The following ZMYM6 variants were observed in gnomAD, a reference collection of about 807,000 sequenced individuals.
ZMYM6 encodes the protein zinc finger MYM-type protein 6.
Under a neutral mutation model 134.0 loss-of-function variants are expected in ZMYM6, and 90 were observed. The ratio of observed to expected loss-of-function variants is 0.67; its 90% confidence interval spans 0.57 to 0.80. ZMYM6 has a LOEUF of 0.80. Among genes scored for constraint, ZMYM6 ranks in the 30% least tolerant of loss-of-function variants. The probability of loss-of-function intolerance (pLI) is 0.00; values close to 1 mark genes in which losing one functional copy is unlikely to be tolerated. For synonymous variants in ZMYM6, 481 were observed against 524.1 expected, an observed-to-expected ratio of 0.92 and a Z score of 1.12; for missense variants, 1,362 against 1,533.9, an observed-to-expected ratio of 0.89 and a Z score of 1.87.
rs1434493812 is a variant in ZMYM6, at chr1:34,986,305, CTCTT to C, written c.*795_*798del. The C allele has an allele frequency of 5.3e-5, 8 of 152,230 alleles. No individual in the cohort carries two copies. The East Asian group carries it at 1.3e-3, about 26-fold the overall frequency. The allele number at this position is 152,230 out of a possible 1,614,324, so 9.4% of individuals were successfully genotyped here. On this transcript the variant is annotated 3_prime_UTR_variant, in exon 16 of 16. Transcript: ENST00000357182. ...AAAGCTGAAAATATTTACTATCTGG[CTCTT>C]TATTTAAAAAGTTTGCTAAGCCCTG... is the stretch of plus-strand genomic sequence containing the variant.
In ZMYM6 at chr1:35,005,193, C is replaced by CA; in HGVS notation, c.1892dup (p.Met632AspfsTer16). ...TAGCAGGTATTTTTGCCAATGACAT[C>CA]ACACTGGTTATAACTGGTGTTGTAT... On this transcript the variant is annotated frameshift_variant, in exon 13 of 16. Transcript: ENST00000357182. LOFTEE classifies it high-confidence loss of function. 1 of 1,614,178 alleles carries CA rather than the reference C, an allele frequency of 6.2e-7. No homozygotes were observed. Among genetic ancestry groups the CA allele is most frequent in the Non-Finnish European group, 8.5e-7 (1 of 1,180,018 alleles).
At chr1:35,029,149 TACA>T (rs1382545082) in intron 2 of ZMYM6, among the ~76,000 whole-genome samples, 2 of 152,142 alleles carry the variant, frequency 1.3e-5, no homozygotes, top group Non-Finnish European at 2.9e-5. Context: ...CCACCAAGAT[TACA>T]ACATTGCAGC....
In ZMYM6 at chr1:35,002,835, G is replaced by A. The variant is rs1335898541; in HGVS notation, c.1992+1133C>T. Among the ~76,000 whole-genome samples, 12 of 151,914 alleles carry A rather than the reference G, an allele frequency of 7.9e-5. No individual in the cohort carries two copies. In the East Asian group the frequency reaches 1.3e-3, roughly 17 times the overall value. ...TAACACTTAAATGGCATTATTCTACGATATAAAAAAAGAGTTTTAATTATA... is the reference window on the plus strand; with the variant it reads ...TAACACTTAAATGGCATTATTCTACAATATAAAAAAAGAGTTTTAATTATA... On this transcript the variant is annotated intron_variant, in intron 14 of 15. Transcript: ENST00000357182.
rs35800399 is a variant in ZMYM6, at chr1:35,015,743, AATAT to A, written c.429-585_429-582del. ...CATCTCAAAAAAAAAAAAAAAAAAA[AATAT>A]ATATATATATATATGTGGCCAGCCA... On this transcript the variant is annotated intron_variant, in intron 4 of 15. Coordinates refer to ENST00000357182, the MANE Select transcript of ZMYM6 (RefSeq NM_007167.4). 1.5e-4 allele frequency among the ~76,000 whole-genome samples: 16 copies of A among 106,450 alleles called. No individual in the cohort carries two copies. The East Asian group carries it at 1.8e-3, about 12-fold the overall frequency. The allele number at this position is 106,450 out of a possible 152,430, so 69.8% of individuals were successfully genotyped here.
chr1:35,007,061 AGTTTACCCTGTC>A lies in ZMYM6; in HGVS notation c.1691_1702del (p.Arg564_Lys567del), dbSNP rs750923745. 1.9e-6 allele frequency: 3 copies of A among 1,610,120 alleles called. No homozygotes were observed. The highest frequency in any genetic ancestry group is 1.7e-6 in the Non-Finnish European group (2 of 1,178,088). On this transcript the variant is annotated inframe_deletion, in exon 12 of 16. Coordinates refer to ENST00000357182, the MANE Select transcript of ZMYM6 (RefSeq NM_007167.4). The stretch of plus-strand genomic sequence containing the variant: ...GCCTCGCCACTTTATGGACTCGCTT[AGTTTACCCTGTC>A]GTTTACAACCATCACACTTGGCCAT...
In ZMYM6 at chr1:35,011,278, A is replaced by G. The variant is rs961018175; in HGVS notation, c.1063-242T>C. On this transcript the variant is annotated intron_variant, in intron 8 of 15. Transcript: ENST00000357182. ...AGACCTCCAGTATATGCCTCTAATA[A>G]ATTAGAGCAGGCCTCTCCTTCCCCC... Among the ~76,000 whole-genome samples the G allele has an allele frequency of 3.9e-5, 6 of 152,146 alleles. No individual in the cohort carries two copies. The East Asian group carries it at 7.7e-4, about 20-fold the overall frequency.
At chr1:35,015,760 A>G (rs183149091) in intron 4 of ZMYM6, among the ~76,000 whole-genome samples, 7 of 139,372 alleles carry the variant, frequency 5.0e-5, no homozygotes, top group African/African-American at 1.8e-4. Context: ...ATATATATAT[A>G]TGTGGCCAGC....
At chr1:35,000,616 C>T (rs1203363024) in intron 14 of ZMYM6, among the ~76,000 whole-genome samples, 1 of 152,048 alleles carries the variant, frequency 6.6e-6, no homozygotes, top group Non-Finnish European at 1.5e-5. Context: ...AAATGTGGTA[C>T]CTACAGGCAA....
intron 2 of ZMYM6, among the ~76,000 whole-genome samples, chr1:35,025,361 G>A (rs1206855911): frequency 6.6e-6 from 1 of 150,992 alleles, no homozygotes; most frequent in Non-Finnish European, 1.5e-5. Context: ...CAGCTACTCG[G>A]CAGGCTGAGG....
chr1:35,006,631 A>C (rs549958684), intron 12 of ZMYM6, among the ~76,000 whole-genome samples: 1 of 152,312 alleles, frequency 6.6e-6, no homozygotes, highest in African/African-American at 2.4e-5. Context: ...CTGGTTTATT[A>C]ACTAAATAGT....
chr1:34,995,022 C>CATA, intron 14 of ZMYM6, among the ~76,000 whole-genome samples: 1 of 105,780 alleles, frequency 9.5e-6, no homozygotes, highest in African/African-American at 1.1e-4. Context: ...TACTTACATA[C>CATA]GTATATATAT....
At chr1:35,031,672 T>C (rs962226326) in intron 1 of ZMYM6, 143 bp downstream of exon 1, 1 of 152,078 alleles carries the variant, frequency 6.6e-6, no homozygotes, top group African/African-American at 2.4e-5. Context: ...GACTAGCCAG[T>C]GAATGTCAAC....
At chr1:34,989,284 T>A in intron 15 of ZMYM6, 1 of 1,003,958 alleles carries the variant, frequency 1.0e-6, no homozygotes, top group Non-Finnish European at 1.2e-6. Flanking sequence ...ACACCTATAA[T>A]CCCAGTGCTT....
At position 35,010,831 on chromosome 1, in the gene ZMYM6, T is replaced by C. The variant is rs1399891329; in HGVS notation, c.1268A>G (p.His423Arg). The part of the protein sequence containing the change: ...AEQSQQVALT[H>R]TVVKLKCQHC... ...CTGACACTTGAGTTTAACAACTGTA[T>C]GGGTTAAAGCAACTTGCTGGGATTG... Residue 423 changes from histidine (H) to arginine (R), a missense_variant, in exon 9 of 16, where the codon CAT becomes CGT. Physicochemically the swap from His to Arg is conservative, Grantham distance 29. Around this residue, in one of 3 missense-constraint regions of ZMYM6, gnomAD observed 503 missense variants for 520.8 expected, o/e 0.97. Coordinates refer to ENST00000357182, the MANE Select transcript of ZMYM6 (RefSeq NM_007167.4). The C allele has an allele frequency of 1.2e-6, 2 of 1,610,270 alleles. No homozygotes were observed. Among genetic ancestry groups the C allele is most frequent in the Non-Finnish European group, 1.7e-6 (2 of 1,178,842 alleles).
At chr1:35,028,321 A>T (rs1297476842) in intron 2 of ZMYM6, among the ~76,000 whole-genome samples, 1 of 151,524 alleles carries the variant, frequency 6.6e-6, no homozygotes, top group African/African-American at 2.4e-5. Context: ...CCATCTCAAA[A>T]AAAAAAAAGG....
chr1:34,995,474 A>G (rs893687649), intron 14 of ZMYM6, among the ~76,000 whole-genome samples: 30 of 152,024 alleles, frequency 2.0e-4, no homozygotes, highest in Admixed American at 1.3e-3. Flanking sequence ...ATAAGAGGTT[A>G]ACAGTAACTA....
chr1:34,990,324 C>T, intron 15 of ZMYM6: 1 of 264,412 alleles, frequency 3.8e-6, no homozygotes, highest in South Asian at 3.3e-5. Flanking sequence ...ACTAAAAATA[C>T]AAAAGAAAAT....
chr1:35,013,407 G>A, intron 6 of ZMYM6: 1 of 983,534 alleles, frequency 1.0e-6, no homozygotes, highest in Non-Finnish European at 1.2e-6. Context: ...TATAAATTGT[G>A]AGGTTTCACT....
chr1:34,999,933 T>C (rs1165298409), intron 14 of ZMYM6, among the ~76,000 whole-genome samples: 1 of 152,156 alleles, frequency 6.6e-6, no homozygotes, highest in African/African-American at 2.4e-5. Context: ...TATTTTTATT[T>C]ATTTATTTAT....
Sources: gnomAD v4.1 joint callset for allele counts (sites outside exome capture counted in the v4.1 genomes callset) on GRCh38, gnomAD v4.1.1 for gene constraint, gnomAD v4.1.1 regional missense constraint, MANE v1.5 for transcripts, NCBI Gene and HGNC (gene_info 2026-07-23, HGNC 2026-07-21) for gene names.